The following NOBOX variants were observed in gnomAD, a reference collection of about 807,000 sequenced individuals.
NOBOX encodes NOBOX oogenesis homeobox.
Under a neutral mutation model 60.2 loss-of-function variants are expected in NOBOX, and 46 were observed. That is an observed-to-expected ratio of 0.76 (90% CI 0.60 to 0.98). NOBOX has a LOEUF of 0.98. NOBOX is among the 50% of genes least tolerant of loss of function. The pLI is 0.00. For missense variants in NOBOX, 880 were observed against 865.5 expected (o/e 1.02, Z -0.21); for synonymous variants, 360 against 346.3 (o/e 1.04, Z -0.44).
In NOBOX at chr7:144,401,699, C is replaced by A; in HGVS notation, c.293-102G>T. On this transcript the variant is annotated intron_variant, in intron 3 of 9. Coordinates refer to ENST00000467773, the MANE Select transcript of NOBOX (RefSeq NM_001080413.3). This position sits in a 1 kb window ranked among gnomAD's most constrained non-coding sequence, Gnocchi z 4.2. The stretch of plus-strand genomic sequence containing the variant: ...GCTTTGCAAACGGTTTGATCTTAAG[C>A]TTTAATTTGTCTACCTATCAAATGG... The A allele has an allele frequency of 8.1e-7, 1 of 1,238,288 alleles. No homozygotes were observed. Among genetic ancestry groups the A allele is most frequent in the South Asian group, 1.6e-5 (1 of 62,826 alleles). 76.7% of individuals were successfully genotyped at this position (1,238,288 alleles called of 1,614,324 possible).
At position 144,403,700 on chromosome 7, in the gene NOBOX, G is replaced by T. The variant is rs1222167120; in HGVS notation, c.210+856C>A. On this transcript the variant is annotated intron_variant, in intron 2 of 9. Transcript: ENST00000467773. ...GATTCTCTGTGGGTTCCATGGCCTG[G>T]ACTCCCGCCGCCGCGGCCGGCCCGT... 1.0e-5 allele frequency: 7 copies of T among 700,898 alleles called. No individual in the cohort carries two copies. Among genetic ancestry groups the T allele is most frequent in the Non-Finnish European group, 1.8e-5 (7 of 384,012 alleles). 43.4% of individuals were successfully genotyped at this position (700,898 alleles called of 1,614,324 possible).
intron 2 of NOBOX, chr7:144,404,460 G>A: frequency 6.6e-6 from 7 of 1,060,546 alleles, no homozygotes; most frequent in Non-Finnish European, 8.4e-6. Context: ...CGTTGGCTAG[G>A]CTGGGCTAGA....
chr7:144,406,323 C>T (rs1169538925), intron 1 of NOBOX, among the ~76,000 whole-genome samples: 1 of 152,084 alleles, frequency 6.6e-6, no homozygotes, highest in Non-Finnish European at 1.5e-5. Context: ...GTTGGGAGGC[C>T]AAGGTGGGCA....
intron 2 of NOBOX, 26 bp from the exon 1 acceptor site, chr7:144,403,719 G>A (rs1247121585): frequency 2.9e-6 from 2 of 698,984 alleles, no homozygotes; most frequent in Admixed American, 2.0e-5. Flanking sequence ...CGCCGCGGCC[G>A]GCCCGTGATG....
chr7:144,397,579 T>C (rs2128860740), intron 9 of NOBOX, 38 bp from the exon 8 acceptor site: 2 of 1,451,628 alleles, frequency 1.4e-6, no homozygotes, highest in South Asian at 1.4e-5. Flanking sequence ...CCAGACAGGA[T>C]GGAGAGTATC....
Position 144,401,932 on chromosome 7 carries a change from C to T in NOBOX, c.229G>A (p.Glu77Lys). Reference sequence around the variant, plus strand: ...AGTTTGAGGGACTGTTCAGGTATCTCTAAGGGATCATGTTGGGGCTGCGGA... The same window carrying T: ...AGTTTGAGGGACTGTTCAGGTATCTTTAAGGGATCATGTTGGGGCTGCGGA... The change falls in exon 3 of 10, where the codon GAG (glutamate) becomes AAG (lysine). Residue 77 changes from glutamate to lysine, a missense_variant. By Grantham distance (56) the Glu-to-Lys change is moderately conservative. Transcript: ENST00000467773. The surrounding 1 kb of genome is among the most constrained non-coding windows in gnomAD (Gnocchi z 4.2). The T allele has an allele frequency of 6.2e-7, 1 of 1,612,514 alleles. No homozygotes were observed. The highest frequency in any genetic ancestry group is 1.1e-5 in the South Asian group (1 of 91,006).
At position 144,401,635 on chromosome 7, in the gene NOBOX, G is replaced by A. The variant is rs145305513; in HGVS notation, c.293-38C>T. On this transcript the variant is annotated intron_variant, in intron 3 of 9. Transcript: ENST00000467773. This position sits in a 1 kb window ranked among gnomAD's most constrained non-coding sequence, Gnocchi z 4.2. Reference sequence around the variant, plus strand: ...AACATCCACTGACCTTAGCACCAGGGAGAAGGAAGAACTGGACCAAGAGGA... The same window carrying A: ...AACATCCACTGACCTTAGCACCAGGAAGAAGGAAGAACTGGACCAAGAGGA... The A allele has an allele frequency of 4.4e-4, 663 of 1,491,832 alleles. 3 individuals are homozygous for A. The African/African-American group carries it at 7.8e-3, about 18-fold the overall frequency. The allele number at this position is 1,491,832 out of a possible 1,614,324, so 92.4% of individuals were successfully genotyped here.
rs2053907084 is a variant in NOBOX, at chr7:144,398,220, C to A, written c.1774+62G>T. Reference sequence around the variant, plus strand: ...TCAGTCTACCCTCCAGATAACTTGGCTCTTTGTCCCCTCCCACCTTCCTCA... The same window carrying A: ...TCAGTCTACCCTCCAGATAACTTGGATCTTTGTCCCCTCCCACCTTCCTCA... On this transcript the variant is annotated intron_variant, in intron 9 of 9. Transcript: ENST00000467773. 5 of 1,464,900 alleles carry A rather than the reference C, an allele frequency of 3.4e-6. No individual in the cohort carries two copies. The East Asian group carries it at 1.2e-4, about 36-fold the overall frequency. The allele number at this position is 1,464,900 out of a possible 1,614,324, so 90.7% of individuals were successfully genotyped here. A position where few individuals can be genotyped will look rare whatever the true frequency, so the allele number is the denominator to read the frequency against.
At chr7:144,403,566 C>T (rs2053959104) in intron 2 of NOBOX, 91 bp downstream of exon 1, 3 of 391,466 alleles carry the variant, frequency 7.7e-6, no homozygotes, top group Admixed American at 6.2e-5. Context: ...GCTCTTAGGT[C>T]GGCTAACGCT....
intron 8 of NOBOX, 82 bp downstream of exon 6, chr7:144,398,868 C>A: frequency 1.3e-6 from 1 of 764,706 alleles, no homozygotes; most frequent in Non-Finnish European, 2.2e-6. Flanking sequence ...ACCCTCTCCT[C>A]TCTGTGTCTA....
chr7:144,403,660 G>A (rs945036418), intron 2 of NOBOX: 37 of 629,914 alleles, frequency 5.9e-5, no homozygotes, highest in Non-Finnish European at 9.6e-5. Flanking sequence ...CACTCACCCA[G>A]CGGTCCCTGG....
Position 144,401,148 on chromosome 7 carries a change from G to C in NOBOX, c.742C>G (p.Leu248Val). The change falls in exon 4 of 10, where the codon CTC becomes GTC. Residue 248 changes from leucine (L) to valine (V), a missense_variant. By Grantham distance (32) the Leu-to-Val change is conservative (BLOSUM62 1). Transcript: ENST00000467773. This position sits in a 1 kb window ranked among gnomAD's most constrained non-coding sequence, Gnocchi z 4.2. ...TGGTTGCTCTGCGCCAATGTACTGA[G>C]GAGATTGGCCAGGTGGCAGGGCCCC... 1 of 1,610,600 alleles carries C rather than the reference G, an allele frequency of 6.2e-7. No individual in the cohort carries two copies. Among genetic ancestry groups the C allele is most frequent in the African/African-American group, 1.3e-5 (1 of 74,902 alleles).
At position 144,401,615 on chromosome 7, in the gene NOBOX, C is replaced by T. The variant is rs763457332; in HGVS notation, c.293-18G>A. 6.7e-6 allele frequency: 10 copies of T among 1,500,922 alleles called. No individual in the cohort carries two copies. The East Asian group carries it at 2.3e-4, about 34-fold the overall frequency. 93.0% of individuals were successfully genotyped at this position (1,500,922 alleles called of 1,614,324 possible). On this transcript the variant is annotated intron_variant, in intron 3 of 9. Transcript: ENST00000467773. The surrounding 1 kb of genome is among the most constrained non-coding windows in gnomAD (Gnocchi z 4.2). ...TTTCTGGCCTGTGGGGAGCCAACATCCACTGACCTTAGCACCAGGGAGAAG... is the reference window on the plus strand; with the variant it reads ...TTTCTGGCCTGTGGGGAGCCAACATTCACTGACCTTAGCACCAGGGAGAAG...
At position 144,401,198 on chromosome 7, in the gene NOBOX, T is replaced by G; in HGVS notation, c.692A>C (p.Asn231Thr). Residue 231 changes from asparagine to threonine, a missense_variant, in exon 4 of 10, where the codon AAC becomes ACC. Asn to Thr is a moderately conservative substitution (Grantham distance 65, BLOSUM62 0). Transcript: ENST00000467773. This position sits in a 1 kb window ranked among gnomAD's most constrained non-coding sequence, Gnocchi z 4.2. ...CCGGCCTGACCCACAGGGCACTGGG[T>G]TGTGTGTGGCACGGGCTGAGTTAGG... is the stretch of plus-strand genomic sequence containing the variant. 1 of 1,613,610 alleles carries G rather than the reference T, an allele frequency of 6.2e-7. No homozygotes were observed. Among genetic ancestry groups the G allele is most frequent in the Non-Finnish European group, 8.5e-7 (1 of 1,179,770 alleles).
At chr7:144,403,510 T>TTCCCCCCCCCCCCCCC in intron 2 of NOBOX, 147 bp downstream of exon 1, 1 of 349,464 alleles carries the variant, frequency 2.9e-6, no homozygotes, top group South Asian at 2.5e-5. Context: ...GTCGGCCTCC[T>TTCCCCCCCCCCCCCCC]CCCACCCTAC....
In NOBOX at chr7:144,399,138, G is replaced by T. The variant is rs778380948; in HGVS notation, c.1281C>A (p.Pro427=). Residue 427 remains proline (P), a synonymous_variant, in exon 8 of 10, where the codon CCC becomes CCA. Coordinates refer to ENST00000467773, the MANE Select transcript of NOBOX (RefSeq NM_001080413.3). ...TCTGAGCACCCTCACTGGGTTGGGTGGGGGCCAAAGTCTGGTCAGAAGTCA... is the reference window on the plus strand; with the variant it reads ...TCTGAGCACCCTCACTGGGTTGGGTTGGGGCCAAAGTCTGGTCAGAAGTCA... 9.5e-6 allele frequency: 15 copies of T among 1,572,760 alleles called. No individual in the cohort carries two copies. In the South Asian group the frequency reaches 1.7e-4, roughly 18 times the overall value.
intron 1 of NOBOX, among the ~76,000 whole-genome samples, chr7:144,407,225 C>G (rs1201942990): frequency 1.3e-5 from 2 of 152,110 alleles, no homozygotes; most frequent in Non-Finnish European, 2.9e-5. Flanking sequence ...CTCCCTCTCT[C>G]TCTATAATGA....
intron 2 of NOBOX, among the ~76,000 whole-genome samples, chr7:144,402,580 C>T (rs1000047551): frequency 6.6e-6 from 1 of 151,970 alleles, no homozygotes; most frequent in African/African-American, 2.4e-5. Context: ...ATCAAATGAT[C>T]CCCCCACTTT....
chr7:144,399,132 T>G lies in NOBOX; in HGVS notation c.1287A>C (p.Gln429His). ...CCACCCTCTGAGCACCCTCACTGGG[T>G]TGGGTGGGGGCCAAAGTCTGGTCAG... Residue 429 changes from glutamine to histidine, a missense_variant, in exon 8 of 10, where the codon CAA (glutamine) becomes CAC (histidine). By Grantham distance (24) the Gln-to-His change is conservative. Transcript: ENST00000467773. 3 of 1,571,116 alleles carry G rather than the reference T, an allele frequency of 1.9e-6. No homozygotes were observed. The highest frequency in any genetic ancestry group is 2.3e-5 in the South Asian group (2 of 87,530).
Sources: gnomAD v4.1 joint callset for allele counts (sites outside exome capture counted in the v4.1 genomes callset) on GRCh38, gnomAD v4.1.1 for gene constraint, Gnocchi (gnomAD v3.1) non-coding constraint, MANE v1.5 for transcripts, NCBI Gene and HGNC (gene_info 2026-07-23, HGNC 2026-07-21) for gene names.